Variants in STK33 observed in about 807,000 individuals in gnomAD.
The protein encoded by STK33 is serine/threonine-protein kinase 33.
Under a neutral mutation model 58.0 loss-of-function variants are expected in STK33, and 52 were observed. That is an observed-to-expected ratio of 0.90 (90% CI 0.72 to 1.13). The LOEUF (loss-of-function observed/expected upper bound fraction) is 1.13. Ranked by LOEUF, STK33 falls within the 50% of genes most tolerant of loss-of-function variation. The pLI, the probability that STK33 is intolerant of heterozygous loss-of-function variation, is 0.00. For missense variants in STK33, 630 were observed against 604.2 expected (o/e 1.04, Z -0.45); for synonymous variants, 215 against 200.1 (o/e 1.07, Z -0.63).
At chr11:8,522,468 CAAA>C (rs112160760) in intron 1 of STK33, among the ~76,000 whole-genome samples, 2 of 123,240 alleles carry the variant, frequency 1.6e-5, no homozygotes. Flanking sequence ...ACACTGGGGC[CAAA>C]AAAAAAAAAA....
chr11:8,359,395 T>C, the STK33 span, among the ~76,000 whole-genome samples: 2 of 152,250 alleles, frequency 1.3e-5, no homozygotes, highest in East Asian at 3.8e-4. Context: ...AAAAAAGTTA[T>C]GCGTATTGGA....
Position 8,392,723 on chromosome 11 carries a change from G to A in STK33, c.1345-13C>T, listed in dbSNP as rs1273533170. ...CATAAGCAGTAGACTGCAAATAAAA[G>A]GTCTTGATTAATTTTCAGACACAAA... is the stretch of plus-strand genomic sequence containing the variant. On this transcript the variant is annotated splice_polypyrimidine_tract_variant and intron_variant, in intron 15 of 15. Transcript: ENST00000687296. 1 of 1,613,272 alleles carries A rather than the reference G, an allele frequency of 6.2e-7. No homozygotes were observed. The highest frequency in any genetic ancestry group is 2.2e-5 in the East Asian group (1 of 44,888).
At chr11:8,338,258 T>G in the STK33 span, among the ~76,000 whole-genome samples, 1 of 152,186 alleles carries the variant, frequency 6.6e-6, no homozygotes, top group Non-Finnish European at 1.5e-5. Flanking sequence ...CCACACAGGA[T>G]GCCCAGCCCC....
At chr11:8,401,839 T>C (rs1938043580) in intron 15 of STK33, among the ~76,000 whole-genome samples, 1 of 152,164 alleles carries the variant, frequency 6.6e-6, no homozygotes, top group South Asian at 2.1e-4. Flanking sequence ...AGAAGACATT[T>C]ACGCAGCCAA....
At chr11:8,437,511 G>A (rs553650205) in intron 12 of STK33, among the ~76,000 whole-genome samples, 73 of 152,134 alleles carry the variant, frequency 4.8e-4, no homozygotes, top group Non-Finnish European at 9.7e-4. Flanking sequence ...CAACTCTCAG[G>A]AATATATTTT....
chr11:8,535,570 A>G (rs1316571521), intron 1 of STK33, among the ~76,000 whole-genome samples: 1 of 152,246 alleles, frequency 6.6e-6, no homozygotes. Context: ...GGCTATTATT[A>G]AAATAAAAAA....
chr11:8,544,721 G>A (rs1591719248), intron 1 of STK33, among the ~76,000 whole-genome samples: 1 of 152,004 alleles, frequency 6.6e-6, no homozygotes, highest in Non-Finnish European at 1.5e-5. Flanking sequence ...ATGCATGGGG[G>A]AAAACAATAT....
At chr11:8,504,241 T>G (rs1016097868) in intron 1 of STK33, among the ~76,000 whole-genome samples, 2 of 152,174 alleles carry the variant, frequency 1.3e-5, no homozygotes, top group Non-Finnish European at 2.9e-5. Context: ...TCCACTCCCA[T>G]GAAACTGACA....
At chr11:8,369,173 A>C in the STK33 span, among the ~76,000 whole-genome samples, 1 of 152,240 alleles carries the variant, frequency 6.6e-6, no homozygotes, top group Non-Finnish European at 1.5e-5. Flanking sequence ...GAGAGAAAGA[A>C]GGCTCAAGAG....
rs146382177 is a variant in STK33 at position 8,524,524 on chromosome 11, C to T, written c.-465-43910G>A. Among the ~76,000 whole-genome samples the T allele has an allele frequency of 8.9e-3, 1,352 of 152,128 alleles. 23 individuals are homozygous for T. The highest frequency in any genetic ancestry group is 0.052 in the South Asian group (252 of 4,822). ...AGCCTACAATATATGAAAATGTGCT[C>T]AACATCACTAATTATCCAGGAAATG... is the stretch of plus-strand genomic sequence containing the variant. On this transcript the variant is annotated intron_variant, in intron 1 of 15. Transcript: ENST00000687296.
At chr11:8,357,118 T>C in the STK33 span, among the ~76,000 whole-genome samples, 6 of 152,250 alleles carry the variant, frequency 3.9e-5, no homozygotes, top group African/African-American at 1.2e-4. Context: ...ATCAGACTCA[T>C]TGGCTCCCAA....
intron 12 of STK33, among the ~76,000 whole-genome samples, chr11:8,440,216 C>A (rs1216706891): frequency 6.6e-6 from 1 of 152,042 alleles, no homozygotes; most frequent in Non-Finnish European, 1.5e-5. Context: ...ATTATGGGAA[C>A]TGGGAACTGT....
At chr11:8,351,908 C>T in the STK33 span, among the ~76,000 whole-genome samples, 1 of 152,206 alleles carries the variant, frequency 6.6e-6, no homozygotes, top group African/African-American at 2.4e-5. Flanking sequence ...TGCCTTCAGC[C>T]CCGCTGGAAA....
chr11:8,587,350 T>C (rs2141501628), intron 1 of STK33, among the ~76,000 whole-genome samples: 1 of 152,218 alleles, frequency 6.6e-6, no homozygotes, highest in East Asian at 1.9e-4. Flanking sequence ...TCTGGGAAAT[T>C]GTAATTATAA....
chr11:8,464,828 G>C lies in STK33; in HGVS notation c.340-6C>G. 8.7e-7 allele frequency: 1 copy of C among 1,143,858 alleles called. No individual in the cohort carries two copies. Among genetic ancestry groups the C allele is most frequent in the Non-Finnish European group, 1.2e-6 (1 of 822,390 alleles). 70.9% of individuals were successfully genotyped at this position (1,143,858 alleles called of 1,614,324 possible). A position where few individuals can be genotyped will look rare whatever the true frequency, so the allele number is the denominator to read the frequency against. ...CTTCCAAAGGTATAGATTTCCTGGA[G>C]AAAAAAAAAAAAAGAGTTGTCTCTC... On this transcript the variant is annotated splice_polypyrimidine_tract_variant and splice_region_variant and intron_variant, in intron 6 of 15. Transcript: ENST00000687296.
intron 1 of STK33, among the ~76,000 whole-genome samples, chr11:8,483,391 T>C (rs1949977528): frequency 6.6e-6 from 1 of 152,042 alleles, no homozygotes; most frequent in South Asian, 2.1e-4. Flanking sequence ...TCAGAAAAGA[T>C]TCGGGTTAAA....
intron 1 of STK33, among the ~76,000 whole-genome samples, chr11:8,517,267 G>C (rs1214628675): frequency 6.6e-6 from 1 of 152,116 alleles, no homozygotes; most frequent in Non-Finnish European, 1.5e-5. Context: ...TGCAGGTGAG[G>C]GTCCTGACTG....
the STK33 span, among the ~76,000 whole-genome samples, chr11:8,335,037 C>A: frequency 3.5e-4 from 54 of 152,374 alleles, no homozygotes; most frequent in Admixed American, 6.5e-4. Context: ...CATGCTGTGG[C>A]AGATCCTGAG....
intron 1 of STK33, among the ~76,000 whole-genome samples, chr11:8,517,028 GCCT>G (rs544335462): frequency 1.3e-3 from 202 of 152,302 alleles, no homozygotes; most frequent in African/African-American, 4.6e-3. Context: ...CGAACAGACT[GCCT>G]CCTCAAGTGG....
Sources: allele counts gnomAD v4.1 joint callset (sites outside exome capture counted in the v4.1 genomes callset), GRCh38; gene constraint gnomAD v4.1.1; transcripts MANE v1.5; gene names NCBI Gene and HGNC (gene_info 2026-07-23, HGNC 2026-07-21).